The following GYG2 variants were observed in gnomAD, a reference collection of about 807,000 sequenced individuals.
The protein encoded by GYG2 is glycogenin 2, also known as glycogenin-2.
Under a neutral mutation model 29.4 loss-of-function variants are expected in GYG2, and 29 were observed. That is an observed-to-expected ratio of 0.99 (90% CI 0.74 to 1.35). The LOEUF is 1.35. GYG2 is among the 40% of genes most tolerant of loss of function. GYG2 has a pLI of 0.00. For synonymous variants in GYG2, 167 were observed against 172.3 expected (o/e 0.97, Z 0.24); for missense variants, 370 against 385.7 (o/e 0.96, Z 0.34).
intron 6 of GYG2, among the ~76,000 whole-genome samples, chrX:2,857,028 GATCTGGATATCT>G (rs2088025603): frequency 2.1e-5 from 2 of 96,389 alleles, no homozygotes; most frequent in African/African-American, 8.0e-5. Context: ...TATCTATTTA[GATCTGGATATCT>G]ATCTGTATAC....
At chrX:2,855,358 T>A (rs1464708731) in intron 5 of GYG2, among the ~76,000 whole-genome samples, 1 of 112,184 alleles carries the variant, frequency 8.9e-6, no homozygotes, top group Non-Finnish European at 1.9e-5. Context: ...TGTAGCCTAC[T>A]GTATACCTAG....
chrX:2,835,685 G>A (rs1338362051), intron 2 of GYG2, among the ~76,000 whole-genome samples: 1 of 110,181 alleles, frequency 9.1e-6, no homozygotes, highest in Non-Finnish European at 1.9e-5. Flanking sequence ...CCAGGAGCTG[G>A]AAGAGGCAGG....
chrX:2,869,458 ACCTGCTGT>A (rs1242245974), intron 8 of GYG2, among the ~76,000 whole-genome samples: 2 of 111,186 alleles, frequency 1.8e-5, no homozygotes, highest in South Asian at 3.9e-4. Context: ...CATCACTGTC[ACCTGCTGT>A]CCATTTAGTG....
chrX:2,852,880 G>A (rs2087899655), intron 3 of GYG2: 1 of 111,992 alleles, frequency 8.9e-6, no homozygotes, highest in Non-Finnish European at 1.9e-5. Context: ...CAAAGGCAGT[G>A]AACACATTAC....
chrX:2,878,804 C>G (rs1480496415), intron 10 of GYG2, among the ~76,000 whole-genome samples: 1 of 112,297 alleles, frequency 8.9e-6, no homozygotes, highest in African/African-American at 3.2e-5. Context: ...GTATAATACC[C>G]TAATTCATAA....
chrX:2,844,518 GCA>G (rs773442971), intron 3 of GYG2, among the ~76,000 whole-genome samples: 3 of 88,278 alleles, frequency 3.4e-5, no homozygotes, highest in African/African-American at 1.4e-4. Flanking sequence ...ATGTGTATAC[GCA>G]CACGCATGCG....
intron 3 of GYG2, among the ~76,000 whole-genome samples, chrX:2,852,461 G>T (rs2087892163): frequency 9.0e-6 from 1 of 111,673 alleles, no homozygotes; most frequent in African/African-American, 3.3e-5. Context: ...AGACTATGAT[G>T]AAGTGGGATT....
rs1225106757 is a variant in GYG2 at position 2,853,986 on chromosome X, C to T, written c.156C>T (p.Ile52=). The change falls in exon 4 of 11, where the codon ATC becomes ATT. Residue 52 remains isoleucine (I), a synonymous_variant. Coordinates refer to ENST00000398806, the MANE Select transcript of GYG2 (RefSeq NM_001079855.2). ...TPQVSSLLRV[I]LSKVFDEVIE... The stretch of plus-strand genomic sequence containing the variant: ...TGGCACATGTCTGTTCCAGGGTCAT[C>T]CTCTCGAAGGTGTTCGATGAAGTCA... The T allele has an allele frequency of 5.0e-6, 6 of 1,198,438 alleles. No individual in the cohort carries two copies. The South Asian group carries it at 7.1e-5, about 14-fold the overall frequency.
chrX:2,877,575 G>A (rs1432619344), intron 10 of GYG2: 1 of 908,018 alleles, frequency 1.1e-6, no homozygotes, highest in Non-Finnish European at 1.4e-6. Context: ...AAGGGATCAG[G>A]AGGGAAGTTG....
At chrX:2,873,705 C>T (rs2088527574) in intron 8 of GYG2, among the ~76,000 whole-genome samples, 1 of 111,358 alleles carries the variant, frequency 9.0e-6, no homozygotes. Flanking sequence ...ACTTCATATT[C>T]ATTCCTTCAC....
intron 7 of GYG2, 65 bp from the exon 8 acceptor site, chrX:2,861,457 C>T: frequency 1.1e-6 from 1 of 939,597 alleles, no homozygotes; most frequent in Non-Finnish European, 1.5e-6. Context: ...CACCCGCCCC[C>T]CAGGACAGCA....
At chrX:2,839,427 A>G (rs2087448272) in intron 2 of GYG2, among the ~76,000 whole-genome samples, 1 of 111,144 alleles carries the variant, frequency 9.0e-6, no homozygotes, top group Non-Finnish European at 1.9e-5. Context: ...CTTTGCTTGG[A>G]AGATTCCTGG....
chrX:2,868,939 A>C (rs762535604), intron 8 of GYG2, among the ~76,000 whole-genome samples: 1 of 111,155 alleles, frequency 9.0e-6, no homozygotes, highest in Non-Finnish European at 1.9e-5. Flanking sequence ...AACACTGAAC[A>C]AGGAGTTGAA....
chrX:2,881,231 G>T lies in GYG2; in HGVS notation c.*18G>T. On this transcript the variant is annotated 3_prime_UTR_variant, in exon 11 of 11. Coordinates refer to ENST00000398806, the MANE Select transcript of GYG2 (RefSeq NM_001079855.2). ...TGCAGTAATCCGGCAGCTGGTGGGC[G>T]TTGTGTGTAGTTAGACAATGTCCTG... The T allele has an allele frequency of 8.7e-7, 1 of 1,145,229 alleles. No individual in the cohort carries two copies. The highest frequency in any genetic ancestry group is 1.2e-6 in the Non-Finnish European group (1 of 856,701). The allele number at this position is 1,145,229 out of a possible 1,213,427, so 94.4% of individuals were successfully genotyped here. A position where few individuals can be genotyped will look rare whatever the true frequency, so the allele number is the denominator to read the frequency against.
chrX:2,830,446 T>C (rs183129463), intron 2 of GYG2, among the ~76,000 whole-genome samples: 2 of 112,163 alleles, frequency 1.8e-5, no homozygotes, highest in Admixed American at 9.4e-5. Flanking sequence ...TTGTAAAATA[T>C]AGTCCTGAAA....
chrX:2,877,868 A>C, intron 10 of GYG2: 5 of 752,466 alleles, frequency 6.6e-6, no homozygotes, highest in Non-Finnish European at 7.8e-6. Flanking sequence ...TTGGTCTTTA[A>C]GTAACAATCA....
At chrX:2,873,905 G>C (rs1472070566) in intron 8 of GYG2, among the ~76,000 whole-genome samples, 2 of 109,851 alleles carry the variant, frequency 1.8e-5, no homozygotes, top group East Asian at 5.7e-4. Context: ...GCCTGGCCAA[G>C]ATGGTGAAAC....
At chrX:2,850,887 T>C (rs12388780) in intron 3 of GYG2, among the ~76,000 whole-genome samples, 3,084 of 111,146 alleles carry the variant, frequency 0.028, 114 homozygotes, top group African/African-American at 0.096. Flanking sequence ...TAAACAGCCT[T>C]GTTGCTCACA....
chrX:2,866,963 G>T (rs1413777263), intron 8 of GYG2, among the ~76,000 whole-genome samples: 1 of 110,880 alleles, frequency 9.0e-6, no homozygotes, highest in Admixed American at 9.6e-5. Flanking sequence ...GAAAGGAGGA[G>T]GGTGGGAAAA....
Sources: allele counts gnomAD v4.1 joint callset (sites outside exome capture counted in the v4.1 genomes callset), GRCh38; gene constraint gnomAD v4.1.1; transcripts MANE v1.5; gene names NCBI Gene and HGNC (gene_info 2026-07-23, HGNC 2026-07-21).